The following ARHGEF7 variants were observed in gnomAD, a reference collection of about 807,000 sequenced individuals.
ARHGEF7 encodes the protein PAK-interacting exchange factor beta.
A neutral mutation model predicts 109.8 loss-of-function variants in ARHGEF7; 33 were observed. The observed-to-expected ratio is 0.30, with a 90% CI of 0.23 to 0.40. ARHGEF7 has a LOEUF of 0.40. Among genes scored for constraint, ARHGEF7 ranks in the 10% least tolerant of loss-of-function variants. The pLI, the probability that ARHGEF7 is intolerant of heterozygous loss-of-function variation, is 1.00. For missense variants in ARHGEF7, 938 were observed against 1,098.5 expected (o/e 0.85, Z 2.07); for synonymous variants, 458 against 424.6 (o/e 1.08, Z -0.97).
In ARHGEF7 at chr13:111,283,162, G is replaced by C. The variant is rs760701258; in HGVS notation, c.1749G>C (p.Pro583=). Residue 583 remains proline (P), a synonymous_variant, in exon 16 of 22, where the codon CCG becomes CCC. Coordinates refer to ENST00000646102, the MANE Select transcript of ARHGEF7 (RefSeq NM_001354046.2). ...AGCTCCCCTCCCACCCGGTCACTCC[G>C]TCCAGCAAGCACGCAGACAGCAAGC... ...SHTLPSHPVT[P]SSKHADSKPA... is the part of the protein sequence containing the mutation. The C allele has an allele frequency of 6.3e-7, 1 of 1,593,102 alleles. No homozygotes were observed. The highest frequency in any genetic ancestry group is 8.5e-7 in the Non-Finnish European group (1 of 1,170,576).
chr13:111,212,311 C>T (rs1253299499), intron 4 of ARHGEF7, among the ~76,000 whole-genome samples: 5 of 152,170 alleles, frequency 3.3e-5, no homozygotes, highest in East Asian at 3.9e-4. Flanking sequence ...TGAACTAAAT[C>T]GAGCTCTTTA....
At chr13:111,301,652 G>C in intron 21 of ARHGEF7, 120 bp downstream of exon 21, 1 of 755,868 alleles carries the variant, frequency 1.3e-6, no homozygotes, top group South Asian at 1.8e-5. Flanking sequence ...CAGCACTTTA[G>C]AAGGCCGAGG....
chr13:111,296,545 C>T (rs966379899), intron 19 of ARHGEF7, among the ~76,000 whole-genome samples: 12 of 152,220 alleles, frequency 7.9e-5, no homozygotes, highest in South Asian at 4.1e-4. Flanking sequence ...TCATTATATT[C>T]GTGTTTTTCT....
intron 2 of ARHGEF7, among the ~76,000 whole-genome samples, chr13:111,169,296 A>G (rs920409528): frequency 6.6e-6 from 1 of 152,144 alleles, no homozygotes; most frequent in Non-Finnish European, 1.5e-5. Flanking sequence ...TAAAGAAAAG[A>G]GGTTTAATGG....
intron 4 of ARHGEF7, among the ~76,000 whole-genome samples, chr13:111,215,776 G>A (rs1011058677): frequency 6.6e-6 from 1 of 152,210 alleles, no homozygotes; most frequent in East Asian, 1.9e-4. Flanking sequence ...TGGAGCCTGT[G>A]CCCTACTTGA....
At chr13:111,143,307 G>A (rs1283466765) in intron 1 of ARHGEF7, among the ~76,000 whole-genome samples, 1 of 152,164 alleles carries the variant, frequency 6.6e-6, no homozygotes, top group African/African-American at 2.4e-5. Flanking sequence ...AACTCACCCA[G>A]ACAATGACTA....
chr13:111,153,564 T>A (rs995231702), intron 1 of ARHGEF7: 5 of 1,010,836 alleles, frequency 4.9e-6, no homozygotes, highest in African/African-American at 3.5e-5. Flanking sequence ...CAAAGCAGGG[T>A]GGGCTGCGTC....
chr13:111,124,635 G>T (rs1047364842), intron 1 of ARHGEF7, among the ~76,000 whole-genome samples: 4 of 152,238 alleles, frequency 2.6e-5, no homozygotes, highest in Non-Finnish European at 5.9e-5. Flanking sequence ...CTACCACCTG[G>T]GAGGGTGCAC....
At chr13:111,286,756 C>T (rs1488473022) in intron 17 of ARHGEF7, among the ~76,000 whole-genome samples, 2 of 152,208 alleles carry the variant, frequency 1.3e-5, no homozygotes, top group African/African-American at 4.8e-5. Flanking sequence ...TCGCAGCAAG[C>T]ACCTGGCACC....
At chr13:111,142,061 T>C (rs1379976037) in intron 1 of ARHGEF7, among the ~76,000 whole-genome samples, 2 of 152,246 alleles carry the variant, frequency 1.3e-5, no homozygotes, top group African/African-American at 4.8e-5. Flanking sequence ...TAATTTACAT[T>C]TCTTTTATAA....
Position 111,125,735 on chromosome 13 carries a change from A to G in ARHGEF7, c.165+10044A>G, listed in dbSNP as rs551027924. 2.0e-5 allele frequency among the ~76,000 whole-genome samples: 3 copies of G among 152,372 alleles called. No individual in the cohort carries two copies. The East Asian group carries it at 5.8e-4, about 29-fold the overall frequency. The stretch of plus-strand genomic sequence containing the variant: ...ACTTTTTCACCAATGTCCTGTCCTT[A>G]AAGTAGCTTAAGTTCATAAGGGACT... On this transcript the variant is annotated intron_variant, in intron 1 of 21. Coordinates refer to ENST00000646102, the MANE Select transcript of ARHGEF7 (RefSeq NM_001354046.2).
At chr13:111,173,640 C>T (rs1012034898) in intron 2 of ARHGEF7, among the ~76,000 whole-genome samples, 2 of 152,214 alleles carry the variant, frequency 1.3e-5, no homozygotes, top group Admixed American at 6.5e-5. Flanking sequence ...TTGGAAAGCA[C>T]ATTTTGGATG....
intron 12 of ARHGEF7, 52 bp from the exon 13 acceptor site, chr13:111,277,535 T>G: frequency 8.8e-7 from 1 of 1,135,816 alleles, no homozygotes; most frequent in Non-Finnish European, 1.3e-6. Context: ...TGCTCACATT[T>G]GTTAAGTAGA....
intron 5 of ARHGEF7, among the ~76,000 whole-genome samples, chr13:111,225,232 G>C (rs948371331): frequency 6.6e-6 from 1 of 152,156 alleles, no homozygotes; most frequent in East Asian, 1.9e-4. Flanking sequence ...TCCAGTATTA[G>C]AGCTTCTCTT....
Position 111,280,338 on chromosome 13 carries a change from T to C in ARHGEF7, c.1573T>C (p.Phe525Leu), listed in dbSNP as rs753692137. Residue 525 changes from phenylalanine (F) to leucine (L), a missense_variant, in exon 14 of 22, where the codon TTT becomes CTT. By Grantham distance (22) the Phe-to-Leu change is conservative. Around this residue, in one of 4 missense-constraint regions of ARHGEF7, gnomAD observed 585 missense variants for 723.6 expected, o/e 0.81. Coordinates refer to ENST00000646102, the MANE Select transcript of ARHGEF7 (RefSeq NM_001354046.2). ...LEDSENHRNA[F>L]EISGSMIERI... is the part of the protein sequence containing the mutation. ...GGACAGTGAAAATCATAGAAATGCA[T>C]TTGAAATATCAGGTGATAGGCACAA... The C allele has an allele frequency of 3.7e-6, 6 of 1,613,380 alleles. No individual in the cohort carries two copies. Among genetic ancestry groups the C allele is most frequent in the East Asian group, 2.2e-5 (1 of 44,844 alleles).
In ARHGEF7 at chr13:111,221,351, GTCT is replaced by G. The variant is rs1400492225; in HGVS notation, c.670+3472_670+3474del. On this transcript the variant is annotated intron_variant, in intron 5 of 21. Transcript: ENST00000646102. ...TATGTCTATATATATCTATATATAT[GTCT>G]ATATATATATCTATATATATATCTA... 2.2e-3 allele frequency among the ~76,000 whole-genome samples: 22 copies of G among 9,920 alleles called. 5 individuals carry two copies. Among genetic ancestry groups the G allele is most frequent in the Non-Finnish European group, 3.1e-3 (16 of 5,142 alleles). The allele number at this position is 9,920 out of a possible 152,430, so 6.5% of individuals were successfully genotyped here. A position where few individuals can be genotyped will look rare whatever the true frequency, so the allele number is the denominator to read the frequency against.
intron 2 of ARHGEF7, among the ~76,000 whole-genome samples, chr13:111,156,941 G>A (rs934139150): frequency 2.0e-5 from 3 of 152,126 alleles, no homozygotes; most frequent in African/African-American, 7.2e-5. Context: ...ATTGTTTTTG[G>A]TGTATATATT....
intron 2 of ARHGEF7, among the ~76,000 whole-genome samples, chr13:111,199,730 C>T (rs1014397235): frequency 2.0e-5 from 3 of 152,150 alleles, no homozygotes; most frequent in African/African-American, 4.8e-5. Flanking sequence ...TGAGTCTGGG[C>T]CAGATTGTAG....
rs1463712667 is a variant in ARHGEF7, at chr13:111,305,401, A to C, written c.*2288A>C. ...CCTTTGCTCTCACCTTGTATGGATG[A>C]GGAGATGAAGCCATTTCTTATCCTG... On this transcript the variant is annotated 3_prime_UTR_variant, in exon 22 of 22. Transcript: ENST00000646102. 6.6e-6 allele frequency: 1 copy of C among 152,238 alleles called. No homozygotes were observed. The highest frequency in any genetic ancestry group is 2.4e-5 in the African/African-American group (1 of 41,462). 9.4% of individuals were successfully genotyped at this position (152,238 alleles called of 1,614,324 possible).
Sources: allele counts gnomAD v4.1 joint callset (sites outside exome capture counted in the v4.1 genomes callset), GRCh38; gene constraint gnomAD v4.1.1; regional missense constraint gnomAD v4.1.1; transcripts MANE v1.5; gene names NCBI Gene and HGNC (gene_info 2026-07-23, HGNC 2026-07-21).